ERCC6: variants seen among roughly 807,000 people sequenced by gnomAD.
ERCC6 encodes the protein DNA excision repair protein ERCC-6.
A neutral mutation model predicts 158.7 loss-of-function variants in ERCC6; 116 were observed. That is an observed-to-expected ratio of 0.73 (90% confidence interval 0.63 to 0.85). The LOEUF (loss-of-function observed/expected upper bound fraction) is 0.85. ERCC6 is among the 40% of genes least tolerant of loss of function. The pLI, the probability that ERCC6 is intolerant of heterozygous loss-of-function variation, is 0.00. For synonymous variants in ERCC6, 678 were observed against 659.3 expected, an observed-to-expected ratio of 1.03 and a Z score of -0.43; for missense variants, 1,698 against 1,799.4, an observed-to-expected ratio of 0.94 and a Z score of 1.02.
Position 49,461,534 on chromosome 10 carries a change from C to T in ERCC6, c.3801G>A (p.Lys1267=). ...TGGCTCCATCCATGATGGCATCGTG[C>T]TTCATGACACTGTGCACGCCAACTA... ...KKSVGVHSVM[K]HDAIMDGASP... is the part of the protein sequence containing the mutation. Residue 1267 remains lysine, a synonymous_variant, in exon 19 of 21, where the codon AAG becomes AAA. Transcript: ENST00000355832. 1 of 1,613,964 alleles carries T rather than the reference C, an allele frequency of 6.2e-7. No homozygotes were observed. The highest frequency in any genetic ancestry group is 1.7e-5 in the Admixed American group (1 of 60,008).
At chr10:49,499,937 T>C (rs566388588) in intron 7 of ERCC6, among the ~76,000 whole-genome samples, 38 of 152,236 alleles carry the variant, frequency 2.5e-4, no homozygotes, top group African/African-American at 8.7e-4. Flanking sequence ...GTTCATAGAT[T>C]GGGAAGGGCA....
intron 7 of ERCC6, among the ~76,000 whole-genome samples, chr10:49,497,945 A>T (rs1238928578): frequency 6.6e-6 from 1 of 152,230 alleles, no homozygotes; most frequent in Non-Finnish European, 1.5e-5. Context: ...AACATTAGGA[A>T]TTACCAAATG....
intron 5 of ERCC6, among the ~76,000 whole-genome samples, chr10:49,509,453 T>C (rs1010156981): frequency 5.3e-5 from 8 of 152,206 alleles, no homozygotes; most frequent in South Asian, 2.1e-4. Context: ...GAAACTATGA[T>C]AGCTCATCAA....
At chr10:49,447,202 A>C in the ERCC6 span, among the ~76,000 whole-genome samples, 1 of 152,246 alleles carries the variant, frequency 6.6e-6, no homozygotes, top group African/African-American at 2.4e-5. Flanking sequence ...AACTTTTAAA[A>C]CAGACAAAAT....
rs1219347502 is a variant in ERCC6, at chr10:49,457,749, A to C, written c.*1066T>G. ...ACTTCAAAGATGAGATGATAAAATCATCCTGAGAAGGAAACAAGAAAAACA... is the reference window on the plus strand; with the variant it reads ...ACTTCAAAGATGAGATGATAAAATCCTCCTGAGAAGGAAACAAGAAAAACA... On this transcript the variant is annotated 3_prime_UTR_variant, in exon 21 of 21. Coordinates refer to ENST00000355832, the MANE Select transcript of ERCC6 (RefSeq NM_000124.4). 1 of 152,298 alleles carries C rather than the reference A, an allele frequency of 6.6e-6. No individual in the cohort carries two copies. The highest frequency in any genetic ancestry group is 1.5e-5 in the Non-Finnish European group (1 of 68,066). 9.4% of individuals were successfully genotyped at this position (152,298 alleles called of 1,614,324 possible). A position where few individuals can be genotyped will look rare whatever the true frequency, so the allele number is the denominator to read the frequency against.
chr10:49,498,383 T>C (rs1342852081), intron 7 of ERCC6, among the ~76,000 whole-genome samples: 2 of 152,206 alleles, frequency 1.3e-5, no homozygotes, highest in African/African-American at 4.8e-5. Flanking sequence ...CCTTAAGAGC[T>C]ATTTTTCTGT....
rs1374716294 is a variant in ERCC6, at chr10:49,455,952, A to T, written c.*2863T>A. ...GTGAATTGATGCAAGCAATTCTGCT[A>T]CATCCACTGACATTTAAAATCTACA... is the stretch of plus-strand genomic sequence containing the variant. On this transcript the variant is annotated 3_prime_UTR_variant, in exon 21 of 21. Transcript: ENST00000355832. 6.6e-6 allele frequency: 1 copy of T among 152,222 alleles called. No individual in the cohort carries two copies. The highest frequency in any genetic ancestry group is 1.5e-5 in the Non-Finnish European group (1 of 68,040). The allele number at this position is 152,222 out of a possible 1,614,324, so 9.4% of individuals were successfully genotyped here.
chr10:49,470,655 G>A lies in ERCC6; in HGVS notation c.3305C>T (p.Thr1102Ile), dbSNP rs777122101. 53 of 1,613,792 alleles carry A rather than the reference G, an allele frequency of 3.3e-5. No individual in the cohort carries two copies. Among genetic ancestry groups the A allele is most frequent in the Non-Finnish European group, 4.2e-5 (50 of 1,179,860 alleles). ...KDDPHMSSNV[T>I]SNDRLGEETN... The stretch of plus-strand genomic sequence containing the variant: ...CTCTTCTCCAAGCCTATCATTGCTA[G>A]TTACATTACTACTCATGTGAGGGTC... Residue 1102 changes from threonine (T) to isoleucine (I), a missense_variant, in exon 18 of 21, where the codon ACT becomes ATT. Coordinates refer to ENST00000355832, the MANE Select transcript of ERCC6 (RefSeq NM_000124.4).
Position 49,530,040 on chromosome 10 carries a change from G to A in ERCC6, c.543+680C>T, listed in dbSNP as rs1292898375. Among the ~76,000 whole-genome samples, 4 of 152,226 alleles carry A rather than the reference G, an allele frequency of 2.6e-5. No homozygotes were observed. The East Asian group carries it at 7.7e-4, about 29-fold the overall frequency. On this transcript the variant is annotated intron_variant, in intron 3 of 20. Coordinates refer to ENST00000355832, the MANE Select transcript of ERCC6 (RefSeq NM_000124.4). ...AGCTCTCGCAACTGTCAGCAAAGGT[G>A]TGTGAGGGTCAATGGCTGCACCACC... is the stretch of plus-strand genomic sequence containing the variant.
downstream of ERCC6, among the ~76,000 whole-genome samples, chr10:49,454,119 G>A (rs987403293): frequency 7.1e-6 from 1 of 140,410 alleles, no homozygotes; most frequent in African/African-American, 2.5e-5. Flanking sequence ...ATTTCTCTGA[G>A]GTTTTGCTCA....
chr10:49,522,956 T>C (rs1483679313), intron 5 of ERCC6, among the ~76,000 whole-genome samples: 1 of 152,210 alleles, frequency 6.6e-6, no homozygotes, highest in Non-Finnish European at 1.5e-5. Context: ...CTCAAATTAC[T>C]GTTTAAAAGA....
chr10:49,493,753 T>C (rs1329128387), intron 7 of ERCC6, among the ~76,000 whole-genome samples: 1 of 152,178 alleles, frequency 6.6e-6, no homozygotes, highest in Non-Finnish European at 1.5e-5. Flanking sequence ...AAGGCTGGCA[T>C]GGCCCAGGTG....
chr10:49,513,842 T>TTC (rs955636908), intron 5 of ERCC6, among the ~76,000 whole-genome samples: 3 of 151,354 alleles, frequency 2.0e-5, no homozygotes, highest in East Asian at 1.9e-4. Flanking sequence ...ACTATTGTTA[T>TTC]TCTCTCTCTC....
chr10:49,460,676 T>C (rs1413337731), intron 19 of ERCC6, among the ~76,000 whole-genome samples: 1 of 152,066 alleles, frequency 6.6e-6, no homozygotes, highest in Admixed American at 6.5e-5. Context: ...ATCCCAACAC[T>C]TTGGGAGGCT....
chr10:49,472,871 T>C, intron 15 of ERCC6, 38 bp downstream of exon 15: 2 of 1,603,504 alleles, frequency 1.2e-6, no homozygotes, highest in South Asian at 2.2e-5. Context: ...ACTATATTTC[T>C]ACTAATACAT....
rs1340785448 is a variant in ERCC6 at position 49,495,603 on chromosome 10, C to T, written c.1686-2351G>A. Among the ~76,000 whole-genome samples the T allele has an allele frequency of 2.6e-5, 4 of 152,230 alleles. No homozygotes were observed. In the East Asian group the frequency reaches 7.7e-4, roughly 29 times the overall value. On this transcript the variant is annotated intron_variant, in intron 7 of 20. Coordinates refer to ENST00000355832, the MANE Select transcript of ERCC6 (RefSeq NM_000124.4). ...CTCACTGCCGATATCCCCAAAGCAC[C>T]ACACGCCATCCTCCCCTACCTGGCT...
chr10:49,458,582 C>CAAA lies in ERCC6; in HGVS notation c.*230_*232dup. ...CTGATTTACAATATAATTAGATTGC[C>CAAA]AAAAAAAAAAAAATCAATCCAAGTA... is the stretch of plus-strand genomic sequence containing the variant. On this transcript the variant is annotated 3_prime_UTR_variant, in exon 21 of 21. Transcript: ENST00000355832. The CAAA allele has an allele frequency of 2.3e-6, 1 of 439,450 alleles. No individual in the cohort carries two copies. The highest frequency in any genetic ancestry group is 4.0e-6 in the Non-Finnish European group (1 of 248,480). 27.2% of individuals were successfully genotyped at this position (439,450 alleles called of 1,614,324 possible).
At chr10:49,508,844 C>T (rs1335538760) in intron 5 of ERCC6, among the ~76,000 whole-genome samples, 1 of 152,024 alleles carries the variant, frequency 6.6e-6, no homozygotes, top group Non-Finnish European at 1.5e-5. Flanking sequence ...AGGGGGAGAA[C>T]CAGGTTCATC....
chr10:49,483,863 A>G lies in ERCC6; in HGVS notation c.1822-347T>C, dbSNP rs1425522679. 5.9e-5 allele frequency among the ~76,000 whole-genome samples: 9 copies of G among 152,220 alleles called. No individual in the cohort carries two copies. In the East Asian group the frequency reaches 1.5e-3, roughly 26 times the overall value. On this transcript the variant is annotated intron_variant, in intron 8 of 20. Coordinates refer to ENST00000355832, the MANE Select transcript of ERCC6 (RefSeq NM_000124.4). ...TGGATGGAAAATATATTAATTTAAA[A>G]CAAAAGCAAGAAAATAAGAGAAAAT... is the stretch of plus-strand genomic sequence containing the variant.
Sources: allele counts gnomAD v4.1 joint callset (sites outside exome capture counted in the v4.1 genomes callset), GRCh38; gene constraint gnomAD v4.1.1; transcripts MANE v1.5; gene names NCBI Gene and HGNC (gene_info 2026-07-23, HGNC 2026-07-21).